The following KCNB2 variants were observed in gnomAD, a reference collection of about 807,000 sequenced individuals.
KCNB2 encodes the protein potassium voltage-gated channel subfamily B member 2.
In KCNB2, 15 loss-of-function variants were observed where a neutral mutation model predicts 61.5. The ratio of observed to expected loss-of-function variants is 0.24; its 90% CI spans 0.16 to 0.38. The LOEUF is 0.38. Among genes scored for constraint, KCNB2 ranks in the 10% least tolerant of loss-of-function variants. The probability of loss-of-function intolerance (pLI) is 1.00; values close to 1 mark genes in which losing one functional copy is unlikely to be tolerated. For missense variants in KCNB2, 828 were observed against 1,125.2 expected, an observed-to-expected ratio of 0.74 and a Z score of 3.78; for synonymous variants, 457 against 446.0, an observed-to-expected ratio of 1.02 and a Z score of -0.31.
chr8:72,644,245 T>C (rs565726305), intron 2 of KCNB2, among the ~76,000 whole-genome samples: 1 of 152,088 alleles, frequency 6.6e-6, no homozygotes, highest in South Asian at 2.1e-4. Flanking sequence ...TTTAAAAAGT[T>C]CACCCCCCCC....
chr8:72,768,074 A>G (rs1332865393), intron 2 of KCNB2, among the ~76,000 whole-genome samples: 2 of 152,130 alleles, frequency 1.3e-5, no homozygotes, highest in Non-Finnish European at 2.9e-5. Flanking sequence ...ACTTTTTATT[A>G]TTGGGTTGTA....
At chr8:72,919,771 G>C (rs1806471449) in intron 2 of KCNB2, among the ~76,000 whole-genome samples, 1 of 152,250 alleles carries the variant, frequency 6.6e-6, no homozygotes, top group Non-Finnish European at 1.5e-5. Context: ...AAATTATCTG[G>C]ACATTTGTCA....
chr8:72,627,458 C>G lies in KCNB2; in HGVS notation c.579+59145C>G, dbSNP rs539649267. 1.4e-4 allele frequency among the ~76,000 whole-genome samples: 22 copies of G among 152,334 alleles called. No individual in the cohort carries two copies. The East Asian group carries it at 1.7e-3, about 12-fold the overall frequency. Reference sequence around the variant, plus strand: ...ATATGATCCAAAAGCAAGGTACCATCAGTTCTGCTCTGTACTTCTTTTGAA... The same window carrying G: ...ATATGATCCAAAAGCAAGGTACCATGAGTTCTGCTCTGTACTTCTTTTGAA... On this transcript the variant is annotated intron_variant, in intron 2 of 2. Coordinates refer to ENST00000523207, the MANE Select transcript of KCNB2 (RefSeq NM_004770.3).
chr8:72,691,789 T>C (rs1222691497), intron 2 of KCNB2, among the ~76,000 whole-genome samples: 1 of 152,198 alleles, frequency 6.6e-6, no homozygotes, highest in Admixed American at 6.5e-5. Context: ...AATTTCAATA[T>C]TTCCATGTGA....
At chr8:72,811,874 G>A (rs999164592) in intron 2 of KCNB2, among the ~76,000 whole-genome samples, 2 of 152,172 alleles carry the variant, frequency 1.3e-5, no homozygotes, top group East Asian at 1.9e-4. Flanking sequence ...ATGTGCATGC[G>A]CAATTGAGAT....
At chr8:72,913,510 C>G (rs1806337641) in intron 2 of KCNB2, among the ~76,000 whole-genome samples, 1 of 152,174 alleles carries the variant, frequency 6.6e-6, no homozygotes, top group Non-Finnish European at 1.5e-5. Flanking sequence ...AGTAGCTGTA[C>G]TTGGGTGAGG....
chr8:72,683,262 T>A (rs1806793450), intron 2 of KCNB2, among the ~76,000 whole-genome samples: 1 of 152,236 alleles, frequency 6.6e-6, no homozygotes, highest in South Asian at 2.1e-4. Flanking sequence ...ACACTTTTTT[T>A]TCTATTCCCC....
At chr8:72,640,705 G>T (rs1009724345) in intron 2 of KCNB2, among the ~76,000 whole-genome samples, 24 of 152,092 alleles carry the variant, frequency 1.6e-4, no homozygotes, top group African/African-American at 5.3e-4. Flanking sequence ...TTAGGAAAAA[G>T]GAGTTTAATT....
At chr8:72,572,400 A>G (rs780095961) in intron 2 of KCNB2, among the ~76,000 whole-genome samples, 75 of 152,132 alleles carry the variant, frequency 4.9e-4, no homozygotes, top group Non-Finnish European at 9.8e-4. Context: ...TCTGAACCAA[A>G]CAGTGAGAGC....
intron 2 of KCNB2, among the ~76,000 whole-genome samples, chr8:72,677,994 A>G (rs547437693): frequency 7.6e-4 from 116 of 152,312 alleles, no homozygotes; most frequent in South Asian, 2.3e-3. Flanking sequence ...CTAGACATCT[A>G]TGTGTGTCAA....
At chr8:72,935,870 C>A in intron 2 of KCNB2, 65 bp from the exon 3 acceptor site, 1 of 1,078,530 alleles carries the variant, frequency 9.3e-7, no homozygotes, top group Non-Finnish European at 1.4e-6. Flanking sequence ...ATCACCGACC[C>A]ATCTGTCTCC....
intron 1 of KCNB2, among the ~76,000 whole-genome samples, chr8:72,544,126 A>G (rs1158803171): frequency 6.6e-6 from 1 of 152,168 alleles, no homozygotes; most frequent in Non-Finnish European, 1.5e-5. Context: ...TTCATTTTTA[A>G]AAGATGAGTA....
intron 2 of KCNB2, among the ~76,000 whole-genome samples, chr8:72,764,027 T>G (rs777539523): frequency 1.3e-5 from 2 of 151,968 alleles, no homozygotes; most frequent in Non-Finnish European, 2.9e-5. Flanking sequence ...AGGAGTCCCA[T>G]AGTCCCACAG....
At chr8:72,813,442 G>A (rs115009152) in intron 2 of KCNB2, among the ~76,000 whole-genome samples, 3,358 of 152,078 alleles carry the variant, frequency 0.022, 68 homozygotes, top group African/African-American at 0.054. Context: ...GACATCTCCC[G>A]AAGATGATTT....
chr8:72,609,878 C>T (rs749607826), intron 2 of KCNB2, among the ~76,000 whole-genome samples: 6 of 152,266 alleles, frequency 3.9e-5, no homozygotes, highest in Non-Finnish European at 2.9e-5. Flanking sequence ...AGACCCAGGA[C>T]GTCGTTACGT....
intron 2 of KCNB2, among the ~76,000 whole-genome samples, chr8:72,738,061 C>A (rs565248919): frequency 2.0e-5 from 3 of 152,158 alleles, no homozygotes; most frequent in South Asian, 2.1e-4. Context: ...TACTCTAAAC[C>A]AATATAGTTT....
intron 2 of KCNB2, among the ~76,000 whole-genome samples, chr8:72,693,386 A>G (rs1426818752): frequency 7.9e-5 from 12 of 152,182 alleles, no homozygotes; most frequent in Non-Finnish European, 1.6e-4. Context: ...GTCTGAGCGT[A>G]TACCTGCTGA....
chr8:72,743,908 A>C (rs982333239), intron 2 of KCNB2, among the ~76,000 whole-genome samples: 1 of 152,116 alleles, frequency 6.6e-6, no homozygotes, highest in Non-Finnish European at 1.5e-5. Flanking sequence ...AGATGGCCTT[A>C]TATTTCATAA....
At chr8:72,753,358 A>C (rs1456150475) in intron 2 of KCNB2, among the ~76,000 whole-genome samples, 1 of 152,200 alleles carries the variant, frequency 6.6e-6, no homozygotes, top group Non-Finnish European at 1.5e-5. Context: ...ATAATAGTAC[A>C]ATCGAACACA....
Sources: gnomAD v4.1 joint callset for allele counts (sites outside exome capture counted in the v4.1 genomes callset) on GRCh38, gnomAD v4.1.1 for gene constraint, MANE v1.5 for transcripts, NCBI Gene and HGNC (gene_info 2026-07-23, HGNC 2026-07-21) for gene names.